MSH3: variants seen among roughly 807,000 people sequenced by gnomAD.
The protein encoded by MSH3 is DNA mismatch repair protein Msh3.
A neutral mutation model predicts 123.3 loss-of-function variants in MSH3; 106 were observed. The ratio of observed to expected loss-of-function variants is 0.86; its 90% CI spans 0.73 to 1.01. The LOEUF (loss-of-function observed/expected upper bound fraction) is 1.01. Ranked by LOEUF, MSH3 falls within the 50% of genes least tolerant of loss-of-function variation. MSH3 has a pLI of 0.00. For missense variants in MSH3, 1,459 were observed against 1,347.6 expected (o/e 1.08, Z -1.29); for synonymous variants, 515 against 481.4 (o/e 1.07, Z -0.91).
chr5:80,702,342 A>C (rs898539521), intron 8 of MSH3, among the ~76,000 whole-genome samples: 1 of 152,100 alleles, frequency 6.6e-6, no homozygotes, highest in Admixed American at 6.5e-5. Context: ...GTTGTCCCCA[A>C]CCTTAATGTG....
At chr5:80,850,904 GTTA>G (rs993618203) in intron 20 of MSH3, among the ~76,000 whole-genome samples, 1 of 152,060 alleles carries the variant, frequency 6.6e-6, no homozygotes, top group African/African-American at 2.4e-5. Context: ...CATTACTCGA[GTTA>G]TTATAATAGC....
intron 2 of MSH3, 141 bp from the exon 3 acceptor site, chr5:80,665,000 CTT>C: frequency 1.5e-6 from 1 of 659,588 alleles, no homozygotes; most frequent in Non-Finnish European, 2.6e-6. Flanking sequence ...GTGTTTCTTT[CTT>C]TTTTTAAAAA....
At chr5:80,833,013 AAACT>A (rs1288043774) in intron 20 of MSH3, among the ~76,000 whole-genome samples, 1 of 152,300 alleles carries the variant, frequency 6.6e-6, no homozygotes, top group East Asian at 1.9e-4. Flanking sequence ...TCATAAAAAC[AAACT>A]GTTTTTCAAA....
chr5:80,670,338 T>C, intron 4 of MSH3, 29 bp downstream of exon 4: 4 of 1,597,808 alleles, frequency 2.5e-6, no homozygotes, highest in Non-Finnish European at 3.4e-6. Context: ...CACTATTTTA[T>C]ATTTTTCTTG....
intron 18 of MSH3, among the ~76,000 whole-genome samples, 155 bp downstream of exon 18, chr5:80,787,827 A>G (rs1221331324): frequency 6.6e-6 from 1 of 152,244 alleles, no homozygotes; most frequent in African/African-American, 2.4e-5. Context: ...TTGATTTGAA[A>G]ATTAAATTCA....
rs777479727 is a variant in MSH3, at chr5:80,654,717, C to G, written c.-11C>G. The G allele has an allele frequency of 1.0e-5, 16 of 1,592,218 alleles. No individual in the cohort carries two copies. In the South Asian group the frequency reaches 1.3e-4, roughly 13 times the overall value. On this transcript the variant is annotated 5_prime_UTR_variant, in exon 1 of 24. Transcript: ENST00000265081. ...CAGGCCCTGCCGCCGGGCTGCCATC[C>G]TTGCCCTGCCATGTCTCGCCGGAAG... is the stretch of plus-strand genomic sequence containing the variant.
At chr5:80,875,419 G>C (rs1746290996) in intron 23 of MSH3, among the ~76,000 whole-genome samples, 1 of 152,178 alleles carries the variant, frequency 6.6e-6, no homozygotes, top group Admixed American at 6.5e-5. Flanking sequence ...CTTCATAGGA[G>C]TTTCTTTTCT....
chr5:80,786,596 A>G (rs1744514062), intron 17 of MSH3, among the ~76,000 whole-genome samples: 1 of 152,222 alleles, frequency 6.6e-6, no homozygotes, highest in Admixed American at 6.5e-5. Context: ...TAAAGATTTA[A>G]GCTCAGCTAT....
chr5:80,716,435 T>C (rs1363515951), intron 8 of MSH3, among the ~76,000 whole-genome samples: 1 of 152,156 alleles, frequency 6.6e-6, no homozygotes, highest in Non-Finnish European at 1.5e-5. Context: ...CAACTATCTT[T>C]TTTTTGTTTT....
intron 8 of MSH3, among the ~76,000 whole-genome samples, chr5:80,723,640 G>A (rs1751134159): frequency 6.6e-6 from 1 of 152,110 alleles, no homozygotes; most frequent in African/African-American, 2.4e-5. Flanking sequence ...AAATCAATTT[G>A]TATGGTTATG....
chr5:80,735,056 G>A (rs1053145232), intron 10 of MSH3, among the ~76,000 whole-genome samples: 13 of 152,180 alleles, frequency 8.5e-5, no homozygotes, highest in Non-Finnish European at 1.2e-4. Context: ...GAAGAGAAGA[G>A]GGAGGCTGGA....
intron 3 of MSH3, among the ~76,000 whole-genome samples, chr5:80,668,880 T>G (rs531532524): frequency 6.6e-6 from 1 of 152,294 alleles, no homozygotes; most frequent in African/African-American, 2.4e-5. Context: ...GCTCTCACCC[T>G]GCCAACTCAG....
chr5:80,784,950 G>A (rs781725435), intron 17 of MSH3, among the ~76,000 whole-genome samples: 7 of 152,128 alleles, frequency 4.6e-5, no homozygotes, highest in Non-Finnish European at 7.4e-5. Context: ...TTAAAATGTT[G>A]TTTCTAGTAT....
At position 80,665,341 on chromosome 5, in the gene MSH3, C is replaced by T. The variant is rs750366331; in HGVS notation, c.557C>T (p.Ser186Leu). The T allele has an allele frequency of 2.5e-6, 4 of 1,612,348 alleles. No individual in the cohort carries two copies. The highest frequency in any genetic ancestry group is 3.4e-6 in the Non-Finnish European group (4 of 1,179,670). Reference sequence around the variant, plus strand: ...AAGAATGCAGTTTCTTCTGAAGATTCGAAACGTCAAATTAATCAAAAGGTA... The same window carrying T: ...AAGAATGCAGTTTCTTCTGAAGATTTGAAACGTCAAATTAATCAAAAGGTA... Reference protein sequence around the residue: ...HAKNAVSSEDSKRQINQKDTT... With the variant: ...HAKNAVSSEDLKRQINQKDTT... The change falls in exon 3 of 24, where the codon TCG becomes TTG. Residue 186 changes from serine (S) to leucine (L), a missense_variant. Transcript: ENST00000265081.
rs554107013 is a variant in MSH3 at position 80,820,247 on chromosome 5, C to G, written c.2813+6506C>G. The stretch of plus-strand genomic sequence containing the variant: ...AGGTTTCCACAAAGCTAAATTTGTT[C>G]AGTTAAATAGTTCACAGTGCCCAGA... On this transcript the variant is annotated intron_variant, in intron 20 of 23. Coordinates refer to ENST00000265081, the MANE Select transcript of MSH3 (RefSeq NM_002439.5). Among the ~76,000 whole-genome samples, 9 of 152,242 alleles carry G rather than the reference C, an allele frequency of 5.9e-5. No individual in the cohort carries two copies. In the South Asian group the frequency reaches 1.7e-3, roughly 28 times the overall value.
intron 6 of MSH3, among the ~76,000 whole-genome samples, chr5:80,673,257 T>G (rs1201995908): frequency 2.0e-5 from 3 of 152,176 alleles, no homozygotes; most frequent in African/African-American, 7.2e-5. Flanking sequence ...AGCCAGGCGC[T>G]GTGGCTCATG....
chr5:80,700,683 T>C (rs895814966), intron 8 of MSH3, among the ~76,000 whole-genome samples: 1 of 152,198 alleles, frequency 6.6e-6, no homozygotes, highest in Non-Finnish European at 1.5e-5. Context: ...AGTTATTTTA[T>C]AAGAACATTT....
intron 20 of MSH3, among the ~76,000 whole-genome samples, chr5:80,849,360 T>A (rs1437399942): frequency 1.3e-5 from 2 of 152,158 alleles, no homozygotes; most frequent in African/African-American, 4.8e-5. Context: ...TTCTCACAGT[T>A]CCACTAGATG....
At chr5:80,849,100 T>C (rs573750606) in intron 20 of MSH3, among the ~76,000 whole-genome samples, 1 of 152,290 alleles carries the variant, frequency 6.6e-6, no homozygotes, top group Admixed American at 6.5e-5. Context: ...AAGTCTGAAA[T>C]TCAGCGGGGA....
Sources: allele counts gnomAD v4.1 joint callset (sites outside exome capture counted in the v4.1 genomes callset), GRCh38; gene constraint gnomAD v4.1.1; transcripts MANE v1.5; gene names NCBI Gene and HGNC (gene_info 2026-07-23, HGNC 2026-07-21).